Variants in ADAM9 observed in about 807,000 individuals in gnomAD.
ADAM9 encodes ADAM metallopeptidase domain 9, also known as disintegrin and metalloproteinase domain-containing protein 9.
Under a neutral mutation model 108.1 loss-of-function variants are expected in ADAM9, and 54 were observed. The observed-to-expected ratio is 0.50, with a 90% CI of 0.40 to 0.63. The LOEUF is 0.63. ADAM9 is among the 20% of genes least tolerant of loss of function. The pLI, the probability that ADAM9 is intolerant of heterozygous loss-of-function variation, is 0.00. For synonymous variants in ADAM9, 316 were observed against 336.0 expected, an observed-to-expected ratio of 0.94 and a Z score of 0.65; for missense variants, 830 against 997.7, an observed-to-expected ratio of 0.83 and a Z score of 2.26.
intron 1 of ADAM9, among the ~76,000 whole-genome samples, chr8:39,003,198 C>T (rs1836057521): frequency 6.6e-6 from 1 of 152,008 alleles, no homozygotes; most frequent in East Asian, 1.9e-4. Flanking sequence ...TGTAATCTTC[C>T]TATATTTAGC....
At chr8:39,008,019 AT>A (rs772071110) in intron 2 of ADAM9, 36 bp downstream of exon 2, 3 of 1,486,736 alleles carry the variant, frequency 2.0e-6, no homozygotes, top group South Asian at 1.1e-5. Context: ...TATGTGGTTA[AT>A]TTTTTTCTTT....
intron 6 of ADAM9, among the ~76,000 whole-genome samples, chr8:39,018,413 T>C (rs183371559): frequency 3.3e-5 from 5 of 152,310 alleles, no homozygotes; most frequent in Admixed American, 2.6e-4. Context: ...TCTGGGATAT[T>C]AGTGGATATG....
intron 14 of ADAM9, among the ~76,000 whole-genome samples, chr8:39,060,415 C>A (rs1838262425): frequency 2.0e-5 from 3 of 152,160 alleles, no homozygotes; most frequent in African/African-American, 7.2e-5. Flanking sequence ...ACTAGCAGCT[C>A]TTTGGGTCAG....
chr8:39,081,134 G>A (rs1355931105), intron 16 of ADAM9, among the ~76,000 whole-genome samples: 1 of 152,058 alleles, frequency 6.6e-6, no homozygotes, highest in Non-Finnish European at 1.5e-5. Context: ...TTTTAGTGGA[G>A]ATGGGGGTTT....
intron 16 of ADAM9, among the ~76,000 whole-genome samples, chr8:39,081,156 C>G (rs1839013024): frequency 6.6e-6 from 1 of 151,976 alleles, no homozygotes; most frequent in Non-Finnish European, 1.5e-5. Context: ...ACCATGTTGG[C>G]CAGGCTGGTC....
chr8:39,071,427 G>T, intron 15 of ADAM9, 24 bp downstream of exon 15: 1 of 1,417,984 alleles, frequency 7.1e-7, no homozygotes, highest in Non-Finnish European at 1.0e-6. Context: ...CGGTCATAAT[G>T]GAATATGAAA....
chr8:39,051,252 A>G (rs1837949148), intron 12 of ADAM9, among the ~76,000 whole-genome samples: 1 of 152,170 alleles, frequency 6.6e-6, no homozygotes, highest in Non-Finnish European at 1.5e-5. Context: ...CCTCAGGGAG[A>G]TGCTGAGAGC....
intron 18 of ADAM9, among the ~76,000 whole-genome samples, chr8:39,086,156 A>C (rs1372141627): frequency 6.7e-6 from 1 of 149,572 alleles, no homozygotes; most frequent in East Asian, 1.9e-4. Context: ...CTGGGACTAC[A>C]GGCGTGTGCC....
intron 1 of ADAM9, among the ~76,000 whole-genome samples, chr8:39,004,906 G>C (rs553885432): frequency 6.6e-6 from 1 of 152,252 alleles, no homozygotes; most frequent in African/African-American, 2.4e-5. Flanking sequence ...GTTTTAGCTG[G>C]CTTCTTTACC....
intron 21 of ADAM9, among the ~76,000 whole-genome samples, chr8:39,102,187 A>G (rs1206990754): frequency 6.6e-6 from 1 of 152,234 alleles, no homozygotes; most frequent in Non-Finnish European, 1.5e-5. Context: ...TACGATTTAG[A>G]AGCAAGGGCC....
chr8:38,997,456 C>T (rs1835855561), intron 1 of ADAM9, among the ~76,000 whole-genome samples: 1 of 152,148 alleles, frequency 6.6e-6, no homozygotes, highest in Non-Finnish European at 1.5e-5. Flanking sequence ...ACCCCGGGTC[C>T]CCCAGACGCC....
intron 11 of ADAM9, among the ~76,000 whole-genome samples, chr8:39,029,257 C>T (rs1255741822): frequency 6.6e-6 from 1 of 151,674 alleles, no homozygotes; most frequent in African/African-American, 2.4e-5. Context: ...AGACTGACCC[C>T]ATAGGAGTTG....
intron 10 of ADAM9, 68 bp downstream of exon 10, chr8:39,025,952 A>T (rs1212201644): frequency 2.7e-6 from 4 of 1,462,614 alleles, no homozygotes; most frequent in Non-Finnish European, 3.8e-6. Context: ...TATTGACTGT[A>T]TACTTCCTCC....
chr8:39,075,853 TTTC>T (rs1455766097), intron 15 of ADAM9: 1 of 152,208 alleles, frequency 6.6e-6, no homozygotes, highest in Admixed American at 6.5e-5. Context: ...ATCTCATTTT[TTTC>T]AGCTGAAGAA....
At chr8:39,097,496 T>C (rs1033889249) in intron 20 of ADAM9, among the ~76,000 whole-genome samples, 2 of 151,994 alleles carry the variant, frequency 1.3e-5, no homozygotes, top group African/African-American at 4.8e-5. Flanking sequence ...TTAGTAGAGA[T>C]GGGGTTTCAC....
chr8:39,054,604 A>AG (rs1199238729), intron 13 of ADAM9, 31 bp downstream of exon 13: 1 of 843,464 alleles, frequency 1.2e-6, no homozygotes, highest in East Asian at 3.7e-5. Flanking sequence ...GGAAACAGGA[A>AG]AAAAAAAAAA....
intron 11 of ADAM9, 129 bp from the exon 12 acceptor site, chr8:39,041,817 C>A: frequency 2.5e-6 from 2 of 785,560 alleles, no homozygotes; most frequent in Non-Finnish European, 4.2e-6. Context: ...ATTCTCATTT[C>A]TGTCCACTTT....
chr8:39,013,000 G>A lies in ADAM9; in HGVS notation c.255-965G>A, dbSNP rs540186492. On this transcript the variant is annotated intron_variant, in intron 3 of 21. Transcript: ENST00000487273. ...TCCCGGGTGCCTCCAGGGGAGTTTT[G>A]AACTTGAAAGGGCATATTTATGAAT... 2.6e-5 allele frequency among the ~76,000 whole-genome samples: 4 copies of A among 152,124 alleles called. No individual in the cohort carries two copies. The South Asian group carries it at 8.3e-4, about 32-fold the overall frequency.
chr8:39,020,248 T>C (rs1453062912), intron 7 of ADAM9, among the ~76,000 whole-genome samples: 2 of 152,056 alleles, frequency 1.3e-5, no homozygotes, highest in Non-Finnish European at 2.9e-5. Context: ...GGAGACTTCA[T>C]CTCAAAAAAA....
Sources: gnomAD v4.1 joint callset for allele counts (sites outside exome capture counted in the v4.1 genomes callset) on GRCh38, gnomAD v4.1.1 for gene constraint, MANE v1.5 for transcripts, NCBI Gene and HGNC (gene_info 2026-07-23, HGNC 2026-07-21) for gene names.